NFKBIL1: variants seen among roughly 807,000 people sequenced by gnomAD.
The protein encoded by NFKBIL1 is NF-kappa-B inhibitor-like protein 1.
NFKBIL1 carries 30 observed loss-of-function variants against 45.4 expected under a neutral mutation model. The observed-to-expected ratio is 0.66, with a 90% CI of 0.49 to 0.90. The LOEUF is 0.90. NFKBIL1 is among the 40% of genes least tolerant of loss of function. The pLI is 0.00. For missense variants in NFKBIL1, 434 were observed against 513.4 expected (o/e 0.85, Z 1.49); for synonymous variants, 179 against 197.3 (o/e 0.91, Z 0.78).
intron 2 of NFKBIL1, among the ~76,000 whole-genome samples, chr6:31,550,612 G>A (rs896556810): frequency 6.6e-6 from 1 of 152,118 alleles, no homozygotes; most frequent in Non-Finnish European, 1.5e-5. Flanking sequence ...CCAGACCCCA[G>A]CTCTGCCATC....
intron 2 of NFKBIL1, among the ~76,000 whole-genome samples, chr6:31,551,305 C>T (rs913449135): frequency 6.6e-6 from 1 of 152,228 alleles, no homozygotes; most frequent in Non-Finnish European, 1.5e-5. Flanking sequence ...GGACTAGAGG[C>T]GTGAGCCACC....
intron 2 of NFKBIL1, among the ~76,000 whole-genome samples, chr6:31,550,762 C>T (rs891950273): frequency 6.6e-6 from 1 of 152,120 alleles, no homozygotes; most frequent in Non-Finnish European, 1.5e-5. Flanking sequence ...CGATTTCAGC[C>T]CACCTCAACC....
chr6:31,555,328 T>C (rs1035990851), intron 2 of NFKBIL1, among the ~76,000 whole-genome samples: 1 of 150,024 alleles, frequency 6.7e-6, no homozygotes, highest in Non-Finnish European at 1.5e-5. Context: ...ACCTCTGCCT[T>C]CCAGGTTCAA....
intron 2 of NFKBIL1, among the ~76,000 whole-genome samples, chr6:31,554,830 C>A (rs961078911): frequency 1.3e-5 from 2 of 152,160 alleles, no homozygotes; most frequent in Non-Finnish European, 2.9e-5. Flanking sequence ...GAAACAAAGT[C>A]TATCGATATT....
rs559990032 is a variant in NFKBIL1 at position 31,558,260 on chromosome 6, G to A, written c.795G>A (p.Ala265=). The stretch of plus-strand genomic sequence containing the variant: ...TGCGTGAGAGCCGAGCCAGGAGGGC[G>A]CAGGAGGCTCTAGGGGACCGAGAAC... The part of the protein sequence containing the change: ...EELRESRARR[A]QEALGDREPK... The change falls in exon 4 of 4, where the codon GCG becomes GCA. Residue 265 remains alanine, a synonymous_variant. Transcript: ENST00000376148. This position sits in a 1 kb window ranked among gnomAD's most constrained non-coding sequence, Gnocchi z 7.2. 2.0e-5 allele frequency: 32 copies of A among 1,591,676 alleles called. No homozygotes were observed. The highest frequency in any genetic ancestry group is 7.9e-5 in the South Asian group (7 of 88,324).
upstream of NFKBIL1, chr6:31,547,603 T>C: frequency 1.2e-6 from 1 of 841,506 alleles, no homozygotes; most frequent in South Asian, 1.6e-5. Context: ...CTGGAGTGTC[T>C]CCGCCCTTCC....
At chr6:31,547,842 G>A (rs116282626) in intron 1 of NFKBIL1, 91 bp downstream of exon 1, 36,466 of 1,125,140 alleles carry the variant, frequency 0.032, 1,100 homozygotes, top group African/African-American at 0.035. Flanking sequence ...TTCCCCATCC[G>A]GCCCTGTTGG....
chr6:31,551,932 G>C (rs1583001844), intron 2 of NFKBIL1, among the ~76,000 whole-genome samples: 1 of 152,070 alleles, frequency 6.6e-6, no homozygotes, highest in East Asian at 1.9e-4. Context: ...GAGTAGCCGG[G>C]ACTACAGGAG....
At chr6:31,550,966 G>A (rs1199692522) in intron 2 of NFKBIL1, among the ~76,000 whole-genome samples, 4 of 152,180 alleles carry the variant, frequency 2.6e-5, no homozygotes, top group Non-Finnish European at 5.9e-5. Context: ...GATTACAGGC[G>A]TGAGCCACCG....
chr6:31,549,108 T>C (rs1251540946), intron 2 of NFKBIL1, among the ~76,000 whole-genome samples: 1 of 152,166 alleles, frequency 6.6e-6, no homozygotes, highest in Non-Finnish European at 1.5e-5. Context: ...GCATTGTACA[T>C]TGATTGTGCC....
intron 2 of NFKBIL1, among the ~76,000 whole-genome samples, chr6:31,551,574 A>G (rs957692302): frequency 6.6e-6 from 1 of 152,002 alleles, no homozygotes; most frequent in Non-Finnish European, 1.5e-5. Flanking sequence ...TGAAAGGCCC[A>G]TCTCATTCAG....
intron 2 of NFKBIL1, among the ~76,000 whole-genome samples, chr6:31,549,900 G>A (rs1329498849): frequency 6.6e-6 from 1 of 152,016 alleles, no homozygotes; most frequent in Non-Finnish European, 1.5e-5. Context: ...GGAACCTGGT[G>A]ATATTATAAT....
chr6:31,548,030 T>C, intron 1 of NFKBIL1, 133 bp from the exon 2 acceptor site: 1 of 1,245,336 alleles, frequency 8.0e-7, no homozygotes, highest in Non-Finnish European at 1.1e-6. Flanking sequence ...AGGGTTAGGT[T>C]AGGCCTCATC....
At chr6:31,553,738 A>G (rs1444047738) in intron 2 of NFKBIL1, among the ~76,000 whole-genome samples, 1 of 151,936 alleles carries the variant, frequency 6.6e-6, no homozygotes, top group Non-Finnish European at 1.5e-5. Flanking sequence ...ATCTTGGCTC[A>G]CTGCAACCTC....
chr6:31,548,380 C>A lies in NFKBIL1; in HGVS notation c.275C>A (p.Ala92Asp). 2 of 1,561,932 alleles carry A rather than the reference C, an allele frequency of 1.3e-6. No homozygotes were observed. Among genetic ancestry groups the A allele is most frequent in the Non-Finnish European group, 8.6e-7 (1 of 1,157,120 alleles). The change falls in exon 2 of 4, where the codon GCC becomes GAC. Residue 92 changes from alanine (A) to aspartate (D), a missense_variant. Around this residue, in one of 4 missense-constraint regions of NFKBIL1, gnomAD observed 231 missense variants for 264.1 expected, o/e 0.87. Coordinates refer to ENST00000376148, the MANE Select transcript of NFKBIL1 (RefSeq NM_005007.4). Reference protein sequence around the residue: ...CLLLRLGADPAHQDRHGDTAL... With the variant: ...CLLLRLGADPDHQDRHGDTAL... ...CTGCTTCGGCTCGGGGCTGACCCTG[C>A]CCACCAGGACCGCCATGGGGACACG... is the stretch of plus-strand genomic sequence containing the variant.
rs1769780775 is a variant in NFKBIL1 at position 31,557,100 on chromosome 6, GT to G, written c.335-527del. Among the ~76,000 whole-genome samples the G allele has an allele frequency of 7.6e-6, 1 of 132,376 alleles. No homozygotes were observed. Among genetic ancestry groups the G allele is most frequent in the African/African-American group, 2.9e-5 (1 of 34,186 alleles). The allele number at this position is 132,376 out of a possible 152,430, so 86.8% of individuals were successfully genotyped here. A position where few individuals can be genotyped will look rare whatever the true frequency, so the allele number is the denominator to read the frequency against. On this transcript the variant is annotated intron_variant, in intron 2 of 3. Coordinates refer to ENST00000376148, the MANE Select transcript of NFKBIL1 (RefSeq NM_005007.4). The surrounding 1 kb of genome is among the most constrained non-coding windows in gnomAD (Gnocchi z 5.4). ...GCTGAAATAGTTTGTGGAGACACAAGTAAGAATTTTTTTTTTTTTTTTTTTG... is the reference window on the plus strand; with the variant it reads ...GCTGAAATAGTTTGTGGAGACACAAGAAGAATTTTTTTTTTTTTTTTTTTG...
intron 2 of NFKBIL1, among the ~76,000 whole-genome samples, chr6:31,551,828 C>T (rs1769444133): frequency 6.6e-6 from 1 of 150,408 alleles, no homozygotes; most frequent in Non-Finnish European, 1.5e-5. Flanking sequence ...ACGGAGTCTC[C>T]CTCTGTTCCC....
intron 2 of NFKBIL1, among the ~76,000 whole-genome samples, chr6:31,554,111 A>G (rs1016939419): frequency 6.6e-6 from 1 of 152,250 alleles, no homozygotes; most frequent in African/African-American, 2.4e-5. Flanking sequence ...AGATTTAACT[A>G]CATGAAAATT....
intron 2 of NFKBIL1, among the ~76,000 whole-genome samples, chr6:31,550,998 A>T (rs1473842584): frequency 6.6e-6 from 1 of 152,086 alleles, no homozygotes; most frequent in Non-Finnish European, 1.5e-5. Flanking sequence ...AATGCCCCTG[A>T]TAGTGTGGTA....
Sources: gnomAD v4.1 joint callset for allele counts (sites outside exome capture counted in the v4.1 genomes callset) on GRCh38, gnomAD v4.1.1 for gene constraint, gnomAD v4.1.1 regional missense constraint, Gnocchi (gnomAD v3.1) non-coding constraint, MANE v1.5 for transcripts, NCBI Gene and HGNC (gene_info 2026-07-23, HGNC 2026-07-21) for gene names.